Variants in AGK observed in about 807,000 individuals in gnomAD.
The protein encoded by AGK is acylglycerol kinase, also known as acylglycerol kinase, mitochondrial.
Under a neutral mutation model 66.4 loss-of-function variants are expected in AGK, and 52 were observed. That is an observed-to-expected ratio of 0.78 (90% CI 0.63 to 0.99). The LOEUF (loss-of-function observed/expected upper bound fraction) is 0.99. Among genes scored for constraint, AGK ranks in the 50% least tolerant of loss-of-function variants. AGK has a pLI of 0.00. For synonymous variants in AGK, 182 were observed against 181.1 expected (o/e 1.00, Z -0.04); for missense variants, 451 against 506.6 (o/e 0.89, Z 1.05).
chr7:141,606,272 C>T (rs1796458663), intron 5 of AGK, among the ~76,000 whole-genome samples: 1 of 152,150 alleles, frequency 6.6e-6, no homozygotes, highest in Non-Finnish European at 1.5e-5. Context: ...TCCCTTGAGC[C>T]TTCTGTGGTT....
At chr7:141,636,295 C>CA (rs1797167946) in intron 10 of AGK, among the ~76,000 whole-genome samples, 1 of 152,160 alleles carries the variant, frequency 6.6e-6, no homozygotes, top group African/African-American at 2.4e-5. Context: ...TCAGAGCATG[C>CA]AGTGTTTGCA....
At chr7:141,563,159 C>T (rs1562958830) in intron 2 of AGK, among the ~76,000 whole-genome samples, 1 of 152,130 alleles carries the variant, frequency 6.6e-6, no homozygotes, top group Non-Finnish European at 1.5e-5. Flanking sequence ...TGGTACATTC[C>T]TGTGGTGGTT....
At chr7:141,597,537 C>T (rs1796252367) in intron 4 of AGK, among the ~76,000 whole-genome samples, 1 of 151,614 alleles carries the variant, frequency 6.6e-6, no homozygotes, top group African/African-American at 2.4e-5. Flanking sequence ...CTCTTATGTC[C>T]CTAATGTCGA....
At chr7:141,617,394 A>G (rs2116967271) in intron 8 of AGK, among the ~76,000 whole-genome samples, 1 of 152,326 alleles carries the variant, frequency 6.6e-6, no homozygotes, top group East Asian at 1.9e-4. Flanking sequence ...AAAAATTTAT[A>G]AAACTTAATT....
intron 5 of AGK, among the ~76,000 whole-genome samples, chr7:141,602,275 C>G (rs1159724508): frequency 1.3e-5 from 2 of 151,182 alleles, no homozygotes; most frequent in Admixed American, 6.6e-5. Flanking sequence ...CTCAAGTGAT[C>G]CCCCCCACCT....
intron 2 of AGK, among the ~76,000 whole-genome samples, chr7:141,571,325 C>G (rs1795601679): frequency 6.6e-6 from 1 of 152,148 alleles, no homozygotes; most frequent in Non-Finnish European, 1.5e-5. Context: ...CAGTGTGGTC[C>G]CGCAGCATAA....
intron 11 of AGK, among the ~76,000 whole-genome samples, chr7:141,637,472 A>G (rs550901160): frequency 6.0e-4 from 91 of 152,260 alleles, no homozygotes; most frequent in Non-Finnish European, 1.1e-3. Context: ...TGGTTACTGT[A>G]TTGGAGAGTA....
intron 4 of AGK, 32 bp downstream of exon 4, chr7:141,596,673 C>CT: frequency 1.3e-6 from 2 of 1,591,292 alleles, no homozygotes; most frequent in Non-Finnish European, 1.7e-6. Flanking sequence ...TATATACTTG[C>CT]TTTTTCTAAG....
At chr7:141,566,181 C>G (rs978565924) in intron 2 of AGK, among the ~76,000 whole-genome samples, 4 of 152,196 alleles carry the variant, frequency 2.6e-5, no homozygotes, top group African/African-American at 9.7e-5. Flanking sequence ...TTTAAGCAAG[C>G]CTTCTTTGTC....
rs530180117 is a variant in AGK, at chr7:141,637,481, T to C, written c.726+464T>C. On this transcript the variant is annotated intron_variant, in intron 11 of 15. Coordinates refer to ENST00000649286, the MANE Select transcript of AGK (RefSeq NM_018238.4). ...GGGCGGTGGTTACTGTATTGGAGAGTATAGATATGGAACATTTCCATGATC... is the reference window on the plus strand; with the variant it reads ...GGGCGGTGGTTACTGTATTGGAGAGCATAGATATGGAACATTTCCATGATC... 2.0e-5 allele frequency among the ~76,000 whole-genome samples: 3 copies of C among 152,154 alleles called. No individual in the cohort carries two copies. The East Asian group carries it at 5.8e-4, about 29-fold the overall frequency.
At chr7:141,583,541 T>C (rs62486716) in intron 2 of AGK, among the ~76,000 whole-genome samples, 130,504 of 146,992 alleles carry the variant, frequency 0.89, 58,021 homozygotes, top group Non-Finnish European at 0.91. Context: ...GGTAGAGACA[T>C]GGAGAGAAGG....
At chr7:141,616,388 A>G (rs1436289249) in intron 8 of AGK, 1 of 152,142 alleles carries the variant, frequency 6.6e-6, no homozygotes, top group Non-Finnish European at 1.5e-5. Context: ...AAATTTTCTC[A>G]TGATTTTTCT....
At chr7:141,601,091 G>T in intron 4 of AGK, 114 bp from the exon 5 acceptor site, 1 of 661,796 alleles carries the variant, frequency 1.5e-6, no homozygotes, top group East Asian at 2.9e-5. Context: ...ACAAATAAAG[G>T]AAACCCGTAT....
In AGK at chr7:141,600,800, G is replaced by A. The variant is rs116674407; in HGVS notation, c.222-405G>A. Among the ~76,000 whole-genome samples the A allele has an allele frequency of 4.2e-3, 632 of 152,216 alleles. 3 individuals carry two copies. Among genetic ancestry groups the A allele is most frequent in the African/African-American group, 0.015 (605 of 41,544 alleles). ...TAGCTTCTGGTGAATTAGTAGTTTG[G>A]TCTGCTTTGTTATGTTGTATTCCTA... On this transcript the variant is annotated intron_variant, in intron 4 of 15. Transcript: ENST00000649286.
chr7:141,633,845 A>G lies in AGK; in HGVS notation c.589-56A>G, dbSNP rs912361337. 7.5e-6 allele frequency: 11 copies of G among 1,463,916 alleles called. No individual in the cohort carries two copies. The African/African-American group carries it at 1.5e-4, about 20-fold the overall frequency. The allele number at this position is 1,463,916 out of a possible 1,614,324, so 90.7% of individuals were successfully genotyped here. On this transcript the variant is annotated intron_variant, in intron 9 of 15. Coordinates refer to ENST00000649286, the MANE Select transcript of AGK (RefSeq NM_018238.4). ...GAACATTTGCTGAGTACTTAGATGTAAAGAGTTCTGAGTGATTATAGTCAT... is the reference window on the plus strand; with the variant it reads ...GAACATTTGCTGAGTACTTAGATGTGAAGAGTTCTGAGTGATTATAGTCAT...
intron 2 of AGK, among the ~76,000 whole-genome samples, chr7:141,559,993 T>C (rs1025418773): frequency 1.3e-5 from 2 of 152,144 alleles, no homozygotes; most frequent in Non-Finnish European, 2.9e-5. Flanking sequence ...GTAGAATCTT[T>C]AGGGTTTCTA....
intron 2 of AGK, among the ~76,000 whole-genome samples, chr7:141,561,492 T>C (rs1795350726): frequency 6.6e-6 from 1 of 152,198 alleles, no homozygotes. Context: ...CTCATTATTT[T>C]TTTTAATTTG....
At position 141,651,546 on chromosome 7, in the gene AGK, C is replaced by T; in HGVS notation, c.1068C>T (p.Pro356=). ...ITIGSRKVRN[P]KLHVEGTECL... ...ACAGAAGTCGAAAGGTGAGAAACCC[C>T]AAGCTGCACGTGGAGGGCACGGAGT... Residue 356 remains proline (P), a synonymous_variant, in exon 15 of 16, where the codon CCC becomes CCT. Coordinates refer to ENST00000649286, the MANE Select transcript of AGK (RefSeq NM_018238.4). 1.9e-6 allele frequency: 3 copies of T among 1,614,224 alleles called. No homozygotes were observed. In the African/African-American group the frequency reaches 4.0e-5, roughly 22 times the overall value.
intron 9 of AGK, among the ~76,000 whole-genome samples, chr7:141,624,860 G>A (rs1290528171): frequency 3.9e-5 from 6 of 152,180 alleles, no homozygotes; most frequent in Non-Finnish European, 5.9e-5. Context: ...TTCTGCTATA[G>A]GTCACATGCT....
Sources: allele counts gnomAD v4.1 joint callset (sites outside exome capture counted in the v4.1 genomes callset), GRCh38; gene constraint gnomAD v4.1.1; transcripts MANE v1.5; gene names NCBI Gene and HGNC (gene_info 2026-07-23, HGNC 2026-07-21).